RCAN1: variants seen among roughly 807,000 people sequenced by gnomAD.
RCAN1 encodes the protein calcipressin-1.
Under a neutral mutation model 22.9 loss-of-function variants are expected in RCAN1, and 11 were observed. The ratio of observed to expected loss-of-function variants is 0.48; its 90% confidence interval spans 0.30 to 0.79. The LOEUF is 0.79. Among genes scored for constraint, RCAN1 ranks in the 30% least tolerant of loss-of-function variants. RCAN1 has a pLI of 0.06. For missense variants in RCAN1, 291 were observed against 337.8 expected (o/e 0.86, Z 1.09); for synonymous variants, 136 against 142.3 (o/e 0.96, Z 0.32).
At chr21:34,559,411 C>T (rs1327533708) in intron 1 of RCAN1, 1 of 140,880 alleles carries the variant, frequency 7.1e-6, no homozygotes, top group African/African-American at 2.4e-5. Context: ...CACCACAGCA[C>T]TTCTTTAACT....
intron 1 of RCAN1, among the ~76,000 whole-genome samples, chr21:34,577,909 G>A (rs1449835093): frequency 1.3e-5 from 2 of 152,174 alleles, no homozygotes; most frequent in African/African-American, 4.8e-5. Context: ...CAAAAGAGGG[G>A]CAGCAAGTTC....
chr21:34,529,073 T>G (rs759917970), intron 1 of RCAN1, among the ~76,000 whole-genome samples: 1 of 152,224 alleles, frequency 6.6e-6, no homozygotes, highest in Non-Finnish European at 1.5e-5. Flanking sequence ...TGCCTTTGAA[T>G]TGATCGGTTC....
intron 1 of RCAN1, among the ~76,000 whole-genome samples, chr21:34,555,764 TA>T (rs1231860875): frequency 1.3e-5 from 2 of 151,596 alleles, no homozygotes; most frequent in South Asian, 2.1e-4. Context: ...AAGGTATTTT[TA>T]AAAAAATAAA....
At chr21:34,528,060 C>G (rs946933211) in intron 1 of RCAN1, among the ~76,000 whole-genome samples, 1 of 152,178 alleles carries the variant, frequency 6.6e-6, no homozygotes, top group Non-Finnish European at 1.5e-5. Context: ...CTATGTTCTT[C>G]TCACTCTCTC....
At chr21:34,603,895 T>C (rs1229036627) in intron 1 of RCAN1, among the ~76,000 whole-genome samples, 5 of 152,316 alleles carry the variant, frequency 3.3e-5, no homozygotes, top group Non-Finnish European at 5.9e-5. Flanking sequence ...AATTTATCAC[T>C]CAAGCTTCAG....
At chr21:34,567,441 C>G (rs992345019) in intron 1 of RCAN1, among the ~76,000 whole-genome samples, 3 of 151,654 alleles carry the variant, frequency 2.0e-5, no homozygotes, top group Admixed American at 6.6e-5. Flanking sequence ...GGAAATATTT[C>G]TGGCCTAAGG....
chr21:34,525,242 AG>A, intron 1 of RCAN1: 1 of 1,550,648 alleles, frequency 6.4e-7, no homozygotes, highest in East Asian at 2.4e-5. Flanking sequence ...GGAGCAGGGT[AG>A]TCGGTCCCTG....
intron 1 of RCAN1, among the ~76,000 whole-genome samples, chr21:34,533,030 G>T (rs552914645): frequency 2.0e-5 from 3 of 149,900 alleles, no homozygotes; most frequent in Non-Finnish European, 4.4e-5. Flanking sequence ...GCACTATCTC[G>T]GCTCACTGCA....
chr21:34,566,317 A>C (rs1220075257), intron 1 of RCAN1, among the ~76,000 whole-genome samples: 2 of 152,188 alleles, frequency 1.3e-5, no homozygotes, highest in Non-Finnish European at 2.9e-5. Context: ...GTGGCAGGTT[A>C]CCCTTCCTGA....
At chr21:34,588,102 C>T (rs1180896976) in intron 1 of RCAN1, among the ~76,000 whole-genome samples, 2 of 152,174 alleles carry the variant, frequency 1.3e-5, no homozygotes, top group African/African-American at 4.8e-5. Flanking sequence ...CAAACTTTTC[C>T]CTATATACAT....
At chr21:34,586,487 A>T (rs1397773750) in intron 1 of RCAN1, among the ~76,000 whole-genome samples, 1 of 152,230 alleles carries the variant, frequency 6.6e-6, no homozygotes, top group Non-Finnish European at 1.5e-5. Context: ...AATATCCTGA[A>T]TTGGAAAATA....
chr21:34,545,486 A>G (rs1412687462), intron 1 of RCAN1, among the ~76,000 whole-genome samples: 3 of 152,224 alleles, frequency 2.0e-5, no homozygotes, highest in African/African-American at 7.2e-5. Context: ...AATGTGGGGC[A>G]TGGGTGAAAG....
intron 1 of RCAN1, among the ~76,000 whole-genome samples, chr21:34,571,391 A>G (rs561561665): frequency 6.6e-6 from 1 of 152,250 alleles, no homozygotes; most frequent in African/African-American, 2.4e-5. Context: ...TCCTGAAAAA[A>G]AGTTACCACT....
chr21:34,519,435 G>C (rs1206152904), intron 3 of RCAN1, among the ~76,000 whole-genome samples: 1 of 109,932 alleles, frequency 9.1e-6, no homozygotes, highest in East Asian at 2.8e-4. Flanking sequence ...AGTCTTGCCT[G>C]TTGCCCAGGC....
At chr21:34,541,933 C>CA (rs1203945433) in intron 1 of RCAN1, among the ~76,000 whole-genome samples, 25 of 151,316 alleles carry the variant, frequency 1.7e-4, no homozygotes, top group Admixed American at 4.6e-4. Context: ...GACTCCATCT[C>CA]AAAAAAAATA....
intron 1 of RCAN1, among the ~76,000 whole-genome samples, chr21:34,552,389 G>A (rs745648589): frequency 5.3e-5 from 8 of 152,164 alleles, no homozygotes; most frequent in Non-Finnish European, 8.8e-5. Flanking sequence ...GGAAGAACAT[G>A]CCAATTTTTA....
chr21:34,525,221 G>A (rs780002136), intron 1 of RCAN1: 6 of 1,550,490 alleles, frequency 3.9e-6, no homozygotes, highest in Non-Finnish European at 5.2e-6. Context: ...CTCCACATGG[G>A]GCTGCGGGTA....
intron 1 of RCAN1, among the ~76,000 whole-genome samples, chr21:34,603,524 T>C (rs1056033836): frequency 6.6e-6 from 1 of 152,204 alleles, no homozygotes; most frequent in Admixed American, 6.5e-5. Flanking sequence ...CTAGTATCTA[T>C]TGAGCACCCT....
At chr21:34,558,775 C>T (rs940632636) in intron 1 of RCAN1, among the ~76,000 whole-genome samples, 4 of 152,182 alleles carry the variant, frequency 2.6e-5, no homozygotes, top group Non-Finnish European at 4.4e-5. Context: ...CTGAGTTGCA[C>T]TGGGGAGAAC....
Sources: allele counts gnomAD v4.1 joint callset (sites outside exome capture counted in the v4.1 genomes callset), GRCh38; gene constraint gnomAD v4.1.1; transcripts MANE v1.5; gene names NCBI Gene and HGNC (gene_info 2026-07-23, HGNC 2026-07-21).